The following CACNA1D variants were observed in gnomAD, a reference collection of about 807,000 sequenced individuals.
The protein encoded by CACNA1D is calcium voltage-gated channel subunit alpha1 D.
In CACNA1D, 55 loss-of-function variants were observed where a neutral mutation model predicts 257.1. The ratio of observed to expected loss-of-function variants is 0.21; its 90% CI spans 0.17 to 0.27. CACNA1D has a LOEUF of 0.27. Among genes scored for constraint, CACNA1D ranks in the 10% least tolerant of loss-of-function variants. CACNA1D has a pLI of 1.00. For missense variants in CACNA1D, 1,876 were observed against 2,784.0 expected (o/e 0.67, Z 7.34); for synonymous variants, 980 against 1,014.9 (o/e 0.97, Z 0.65).
At chr3:53,623,818 T>C (rs2093726402) in intron 3 of CACNA1D, among the ~76,000 whole-genome samples, 1 of 152,194 alleles carries the variant, frequency 6.6e-6, no homozygotes, top group African/African-American at 2.4e-5. Flanking sequence ...CCTGAAGGTG[T>C]TTCCCTCAAT....
intron 3 of CACNA1D, among the ~76,000 whole-genome samples, chr3:53,621,453 G>A (rs1409463631): frequency 6.6e-6 from 1 of 152,148 alleles, no homozygotes; most frequent in African/African-American, 2.4e-5. Context: ...AGAGTCAAGT[G>A]TGTGTTTCTC....
intron 28 of CACNA1D, among the ~76,000 whole-genome samples, chr3:53,752,611 C>G (rs2095235353): frequency 6.6e-6 from 1 of 152,212 alleles, no homozygotes; most frequent in South Asian, 2.1e-4. Flanking sequence ...GTTGGCCAGG[C>G]TGGTCCCGAA....
intron 22 of CACNA1D, among the ~76,000 whole-genome samples, chr3:53,743,672 C>A (rs2095138822): frequency 6.6e-6 from 1 of 152,208 alleles, no homozygotes; most frequent in Non-Finnish European, 1.5e-5. Flanking sequence ...CTGGTGGGAA[C>A]AGCCATTGCT....
Position 53,811,003 on chromosome 3 carries a change from C to T in CACNA1D, c.6193-110C>T. ...AGAAAACATGATTGAGCTGCATCCC[C>T]AAAGCACACGGTGCAGTTAAGTTAG... On this transcript the variant is annotated intron_variant, in intron 47 of 47. Transcript: ENST00000350061. The surrounding 1 kb of genome is among the most constrained non-coding windows in gnomAD (Gnocchi z 4.2). 2.4e-6 allele frequency: 2 copies of T among 838,170 alleles called. No individual in the cohort carries two copies. The highest frequency in any genetic ancestry group is 4.2e-6 in the Non-Finnish European group (2 of 479,532). The allele number at this position is 838,170 out of a possible 1,614,324, so 51.9% of individuals were successfully genotyped here.
chr3:53,704,123 A>G (rs2094658268), intron 9 of CACNA1D, among the ~76,000 whole-genome samples: 1 of 152,244 alleles, frequency 6.6e-6, no homozygotes, highest in Non-Finnish European at 1.5e-5. Flanking sequence ...GAGCTGCCAT[A>G]GGAAGGGTGG....
chr3:53,574,638 G>A (rs542327832), intron 3 of CACNA1D, among the ~76,000 whole-genome samples: 80 of 152,110 alleles, frequency 5.3e-4, no homozygotes, highest in African/African-American at 1.8e-3. Context: ...CTTCCCTTGG[G>A]GAGCTGTGGC....
intron 45 of CACNA1D, chr3:53,805,355 T>C: frequency 1.7e-6 from 1 of 597,148 alleles, no homozygotes; most frequent in Non-Finnish European, 3.0e-6. Flanking sequence ...TTCAGTGCTA[T>C]GCTTGACTCT....
At chr3:53,627,950 C>T (rs538203404) in intron 3 of CACNA1D, among the ~76,000 whole-genome samples, 4 of 152,056 alleles carry the variant, frequency 2.6e-5, no homozygotes, top group East Asian at 1.9e-4. Context: ...ACCTGGGAGG[C>T]GGAGGTTGTG....
At chr3:53,682,789 A>G (rs1445511291) in intron 8 of CACNA1D, among the ~76,000 whole-genome samples, 1 of 152,200 alleles carries the variant, frequency 6.6e-6, no homozygotes, top group Non-Finnish European at 1.5e-5. Context: ...GGCTCATATA[A>G]TCTGCTTCCA....
chr3:53,733,850 T>TG (rs2095024559), intron 19 of CACNA1D, among the ~76,000 whole-genome samples: 1 of 150,328 alleles, frequency 6.7e-6, no homozygotes, highest in Non-Finnish European at 1.5e-5. Context: ...AGCTCACCAC[T>TG]GTTTGGGTGT....
chr3:53,723,423 T>C lies in CACNA1D; in HGVS notation c.1667-11T>C. The C allele has an allele frequency of 6.2e-7, 1 of 1,610,748 alleles. No individual in the cohort carries two copies. On this transcript the variant is annotated splice_polypyrimidine_tract_variant and intron_variant, in intron 12 of 47. Transcript: ENST00000350061. The surrounding 1 kb of genome is among the most constrained non-coding windows in gnomAD (Gnocchi z 5.6). ...GAGACCCTGAGGATGGGTGCCCCTT[T>C]GTCTTTCCAGATATTGCCAACAAAG... is the stretch of plus-strand genomic sequence containing the variant.
intron 9 of CACNA1D, 48 bp from the exon 10 acceptor site, chr3:53,718,253 C>A: frequency 6.6e-7 from 1 of 1,524,382 alleles, no homozygotes; most frequent in Non-Finnish European, 9.1e-7. Context: ...GCCTCCCAGG[C>A]GTGCAGTGTG....
chr3:53,658,199 T>C (rs2094167636), intron 4 of CACNA1D, among the ~76,000 whole-genome samples: 1 of 152,114 alleles, frequency 6.6e-6, no homozygotes, highest in Admixed American at 6.5e-5. Flanking sequence ...GCACTTTTTT[T>C]TTTTTTGAGA....
In CACNA1D at chr3:53,637,762, C is replaced by T. The variant is rs768020226; in HGVS notation, c.484-13017C>T. 1.5e-4 allele frequency among the ~76,000 whole-genome samples: 23 copies of T among 152,208 alleles called. 1 individual carries two copies. The highest frequency in any genetic ancestry group is 1.5e-3 in the South Asian group (7 of 4,812). On this transcript the variant is annotated intron_variant, in intron 3 of 47. Coordinates refer to ENST00000350061, the MANE Select transcript of CACNA1D (RefSeq NM_001128840.3). ...ACTCCTCAGCTCAGTGTGGGTCTCC[C>T]GAGACTCAGTTCTGCCTGCTGACTT... is the stretch of plus-strand genomic sequence containing the variant.
intron 10 of CACNA1D, chr3:53,718,661 G>A: frequency 6.5e-7 from 1 of 1,549,234 alleles, no homozygotes. Context: ...GGTTAACCTG[G>A]CCACCTGCTG....
chr3:53,759,187 A>G (rs1361519062), intron 29 of CACNA1D, among the ~76,000 whole-genome samples: 1 of 152,228 alleles, frequency 6.6e-6, no homozygotes, highest in Non-Finnish European at 1.5e-5. Context: ...GAAATTGCCA[A>G]AAAATTCCAA....
intron 20 of CACNA1D, among the ~76,000 whole-genome samples, chr3:53,738,509 G>GA (rs1265089746): frequency 6.6e-6 from 1 of 152,018 alleles, no homozygotes; most frequent in Admixed American, 6.6e-5. Context: ...GCAGTGTTTG[G>GA]AAAAAAACAG....
At chr3:53,559,206 T>A (rs2092696323) in intron 3 of CACNA1D, among the ~76,000 whole-genome samples, 1 of 152,160 alleles carries the variant, frequency 6.6e-6, no homozygotes, top group South Asian at 2.1e-4. Context: ...TTTTCAAAAT[T>A]TTTGTTTTTG....
chr3:53,802,954 C>T (rs1264955133), intron 43 of CACNA1D, among the ~76,000 whole-genome samples: 1 of 152,156 alleles, frequency 6.6e-6, no homozygotes, highest in Admixed American at 6.5e-5. Flanking sequence ...CCAGAACTCA[C>T]TCGACCTTCC....
Sources: allele counts gnomAD v4.1 joint callset (sites outside exome capture counted in the v4.1 genomes callset), GRCh38; gene constraint gnomAD v4.1.1; non-coding constraint Gnocchi (gnomAD v3.1); transcripts MANE v1.5; gene names NCBI Gene and HGNC (gene_info 2026-07-23, HGNC 2026-07-21).